NDFIP2: variants seen among roughly 807,000 people sequenced by gnomAD.
NDFIP2 encodes Nedd4 family interacting protein 2.
In NDFIP2, 19 loss-of-function variants were observed where a neutral mutation model predicts 36.0. The observed-to-expected ratio is 0.53, with a 90% CI of 0.37 to 0.77. The LOEUF is 0.77. Among genes scored for constraint, NDFIP2 ranks in the 30% least tolerant of loss-of-function variants. NDFIP2 has a pLI of 0.00. For missense variants in NDFIP2, 446 were observed against 435.8 expected, an observed-to-expected ratio of 1.02 and a Z score of -0.21; for synonymous variants, 181 against 167.7, an observed-to-expected ratio of 1.08 and a Z score of -0.61.
chr13:79,489,868 A>G (rs1873158119), intron 1 of NDFIP2, among the ~76,000 whole-genome samples: 1 of 152,238 alleles, frequency 6.6e-6, no homozygotes, highest in African/African-American at 2.4e-5. Context: ...CTAGTTTATA[A>G]TTGTTTCATG....
At chr13:79,485,773 G>A (rs1400408497) in intron 1 of NDFIP2, among the ~76,000 whole-genome samples, 12 of 152,294 alleles carry the variant, frequency 7.9e-5, no homozygotes, top group Admixed American at 5.9e-4. Context: ...TTAATAAGAA[G>A]CTTTCTACTT....
chr13:79,481,788 C>G (rs1378662572), intron 1 of NDFIP2, among the ~76,000 whole-genome samples: 1 of 151,988 alleles, frequency 6.6e-6, no homozygotes, highest in African/African-American at 2.4e-5. Flanking sequence ...AGACGCCCTC[C>G]CTCCACACAC....
chr13:79,494,505 T>G (rs1232478181), intron 1 of NDFIP2, among the ~76,000 whole-genome samples: 2 of 152,018 alleles, frequency 1.3e-5, no homozygotes, highest in East Asian at 3.8e-4. Flanking sequence ...AAACTTACTT[T>G]TCATGTTAAT....
At chr13:79,491,305 T>C (rs1873217550) in intron 1 of NDFIP2, among the ~76,000 whole-genome samples, 2 of 152,166 alleles carry the variant, frequency 1.3e-5, no homozygotes, top group Admixed American at 6.5e-5. Flanking sequence ...TTTTATTCCT[T>C]TTTATATTTA....
At chr13:79,534,448 G>A (rs541658918) in intron 3 of NDFIP2, among the ~76,000 whole-genome samples, 3 of 148,332 alleles carry the variant, frequency 2.0e-5, no homozygotes, top group Non-Finnish European at 3.0e-5. Context: ...TTTAGTAATG[G>A]AGTTAATGAG....
At chr13:79,539,568 A>C (rs1000009235) in intron 3 of NDFIP2, 114 bp from the exon 4 acceptor site, 2 of 767,676 alleles carry the variant, frequency 2.6e-6, no homozygotes, top group African/African-American at 3.5e-5. Flanking sequence ...TCATTATTGC[A>C]TTTGTCTATA....
chr13:79,536,417 A>G (rs1034384644), intron 3 of NDFIP2, among the ~76,000 whole-genome samples: 3 of 152,202 alleles, frequency 2.0e-5, no homozygotes, highest in Non-Finnish European at 4.4e-5. Flanking sequence ...AAGTTAATGA[A>G]TGCTTTCTTT....
intron 1 of NDFIP2, among the ~76,000 whole-genome samples, chr13:79,504,934 A>G (rs1009247551): frequency 1.3e-5 from 2 of 152,136 alleles, no homozygotes; most frequent in Non-Finnish European, 1.5e-5. Flanking sequence ...ATACTGTCAT[A>G]ATTTATTTTG....
chr13:79,493,689 C>T (rs564213124), intron 1 of NDFIP2, among the ~76,000 whole-genome samples: 1 of 152,052 alleles, frequency 6.6e-6, no homozygotes, highest in African/African-American at 2.4e-5. Flanking sequence ...CATCAAGGAT[C>T]CTGGGAAATA....
At chr13:79,497,027 C>T (rs1873459460) in intron 1 of NDFIP2, among the ~76,000 whole-genome samples, 1 of 152,006 alleles carries the variant, frequency 6.6e-6, no homozygotes, top group African/African-American at 2.4e-5. Context: ...TTGGCATCTA[C>T]TGATTGCCTT....
At chr13:79,486,873 A>G (rs972726024) in intron 1 of NDFIP2, among the ~76,000 whole-genome samples, 3 of 152,214 alleles carry the variant, frequency 2.0e-5, no homozygotes, top group African/African-American at 7.2e-5. Flanking sequence ...ACAGGTTTGT[A>G]GTCTAGGAGC....
chr13:79,517,370 T>C (rs1302034209), intron 1 of NDFIP2, among the ~76,000 whole-genome samples: 1 of 151,612 alleles, frequency 6.6e-6, no homozygotes, highest in Non-Finnish European at 1.5e-5. Context: ...TGTTAATGAA[T>C]GTCAAATAGA....
At chr13:79,518,239 A>G (rs189204180) in intron 1 of NDFIP2, among the ~76,000 whole-genome samples, 20 of 152,320 alleles carry the variant, frequency 1.3e-4, no homozygotes, top group Middle Eastern at 3.4e-3. Flanking sequence ...TATAAACTTC[A>G]TTAGGCTCAT....
chr13:79,538,919 T>C (rs1303098665), intron 3 of NDFIP2, among the ~76,000 whole-genome samples: 1 of 152,174 alleles, frequency 6.6e-6, no homozygotes, highest in Non-Finnish European at 1.5e-5. Flanking sequence ...ATCCAGGGCT[T>C]ACTGGTACAA....
At chr13:79,540,707 C>G in intron 4 of NDFIP2, among the ~76,000 whole-genome samples, 1 of 152,176 alleles carries the variant, frequency 6.6e-6, no homozygotes, top group Non-Finnish European at 1.5e-5. Flanking sequence ...GTCTGAAAGT[C>G]CATGTAAACC....
In NDFIP2 at chr13:79,481,360, G is replaced by C. The variant is rs2079811022; in HGVS notation, c.157G>C (p.Asp53His). 6.4e-7 allele frequency: 1 copy of C among 1,551,802 alleles called. No homozygotes were observed. Among genetic ancestry groups the C allele is most frequent in the South Asian group, 1.2e-5 (1 of 84,278 alleles). ...AGGAAGTGAAGAGCTTCCGCCGGGA[G>C]ACCGCGGCTGCAGGAACGGAGGCGG... is the stretch of plus-strand genomic sequence containing the variant. ...ATGSEELPPG[D>H]RGCRNGGGRG... The change falls in exon 1 of 8, where the codon GAC (aspartate) becomes CAC (histidine). Residue 53 changes from aspartate (D) to histidine (H), a missense_variant. Physicochemically the swap from Asp to His is moderately conservative, Grantham distance 81. Coordinates refer to ENST00000218652, the MANE Select transcript of NDFIP2 (RefSeq NM_019080.3).
intron 2 of NDFIP2, among the ~76,000 whole-genome samples, chr13:79,524,328 A>G (rs1874706799): frequency 6.6e-6 from 1 of 152,180 alleles, no homozygotes; most frequent in Non-Finnish European, 1.5e-5. Flanking sequence ...ACTTTACTCC[A>G]AACATTCTTC....
At chr13:79,493,269 A>G (rs889535552) in intron 1 of NDFIP2, among the ~76,000 whole-genome samples, 2 of 152,232 alleles carry the variant, frequency 1.3e-5, no homozygotes, top group Admixed American at 1.3e-4. Context: ...TTATGTTTAT[A>G]AAGTGATATG....
At chr13:79,502,674 T>C (rs1462003269) in intron 1 of NDFIP2, among the ~76,000 whole-genome samples, 2 of 152,070 alleles carry the variant, frequency 1.3e-5, no homozygotes, top group Non-Finnish European at 2.9e-5. Context: ...AAAATAGGCT[T>C]TTGGATTTAA....
Sources: allele counts gnomAD v4.1 joint callset (sites outside exome capture counted in the v4.1 genomes callset), GRCh38; gene constraint gnomAD v4.1.1; transcripts MANE v1.5; gene names NCBI Gene and HGNC (gene_info 2026-07-23, HGNC 2026-07-21).